P2RX7: variants seen among roughly 807,000 people sequenced by gnomAD.
P2RX7 encodes the protein P2X purinoceptor 7.
Under a neutral mutation model 71.6 loss-of-function variants are expected in P2RX7, and 62 were observed. The observed-to-expected ratio is 0.87, with a 90% CI of 0.71 to 1.07. The LOEUF is 1.07. Among genes scored for constraint, P2RX7 ranks in the 50% least tolerant of loss-of-function variants. P2RX7 has a pLI of 0.00. For missense variants in P2RX7, 686 were observed against 748.5 expected, an observed-to-expected ratio of 0.92 and a Z score of 0.97; for synonymous variants, 299 against 283.3, an observed-to-expected ratio of 1.06 and a Z score of -0.56.
chr12:121,136,317 T>C (rs1007572046), intron 1 of P2RX7, among the ~76,000 whole-genome samples: 3 of 151,504 alleles, frequency 2.0e-5, no homozygotes, highest in African/African-American at 7.3e-5. Context: ...CAGCATACAA[T>C]CTTTTTATTT....
chr12:121,174,372 C>T (rs1211074597), intron 8 of P2RX7, among the ~76,000 whole-genome samples: 2 of 151,958 alleles, frequency 1.3e-5, no homozygotes, highest in African/African-American at 4.8e-5. Context: ...TAAAAATTAG[C>T]CACCTGTAGT....
At chr12:121,177,487 A>T in intron 11 of P2RX7, 41 bp downstream of exon 11, 3 of 1,586,008 alleles carry the variant, frequency 1.9e-6, no homozygotes, top group Non-Finnish European at 2.6e-6. Flanking sequence ...ACATGGAGAG[A>T]TTCCATGAAA....
chr12:121,175,527 C>A lies in P2RX7; in HGVS notation c.972+49C>A, dbSNP rs778613083. 4.8e-6 allele frequency: 4 copies of A among 837,750 alleles called. No individual in the cohort carries two copies. The African/African-American group carries it at 5.0e-5, about 10-fold the overall frequency. 51.9% of individuals were successfully genotyped at this position (837,750 alleles called of 1,614,324 possible). On this transcript the variant is annotated intron_variant, in intron 9 of 12. Coordinates refer to ENST00000328963, the MANE Select transcript of P2RX7 (RefSeq NM_002562.6). ...GGCACCGGCATCCTATGACTGTGTC[C>A]TAATTACTGCTGTGGGGCCTCCATG...
At chr12:121,151,699 G>A (rs1165764758) in intron 1 of P2RX7, among the ~76,000 whole-genome samples, 1 of 152,002 alleles carries the variant, frequency 6.6e-6, no homozygotes, top group Non-Finnish European at 1.5e-5. Context: ...TCATAGTACT[G>A]TGCAACCACC....
chr12:121,167,049 T>C (rs1014721908), intron 7 of P2RX7, among the ~76,000 whole-genome samples: 2 of 122,952 alleles, frequency 1.6e-5, no homozygotes, highest in Non-Finnish European at 3.5e-5. Flanking sequence ...CGAAACTCCA[T>C]CTCAAAAAAA....
chr12:121,183,094 G>A (rs985732606), intron 12 of P2RX7, among the ~76,000 whole-genome samples: 4 of 149,786 alleles, frequency 2.7e-5, no homozygotes, highest in Non-Finnish European at 4.5e-5. Flanking sequence ...GGAGAATGGC[G>A]TGAACCCAGG....
intron 11 of P2RX7, among the ~76,000 whole-genome samples, chr12:121,178,026 C>A (rs1324954982): frequency 6.6e-6 from 1 of 151,874 alleles, no homozygotes; most frequent in Admixed American, 6.6e-5. Flanking sequence ...CCTGTTTTGT[C>A]ATTTATTAAA....
intron 12 of P2RX7, among the ~76,000 whole-genome samples, chr12:121,180,955 C>G (rs1016217577): frequency 3.3e-5 from 5 of 149,446 alleles, no homozygotes; most frequent in Non-Finnish European, 5.9e-5. Context: ...CAGAGCAAGA[C>G]TCCATCTCAA....
chr12:121,158,014 A>C (rs1226256755), intron 3 of P2RX7, among the ~76,000 whole-genome samples: 2 of 152,124 alleles, frequency 1.3e-5, no homozygotes, highest in Non-Finnish European at 2.9e-5. Flanking sequence ...CAGCCCAGAG[A>C]GCACATGTGA....
chr12:121,171,208 C>T (rs1180742392), intron 8 of P2RX7, among the ~76,000 whole-genome samples: 3 of 152,142 alleles, frequency 2.0e-5, no homozygotes, highest in Non-Finnish European at 4.4e-5. Context: ...AGCAGGGCCA[C>T]ACTCGCTCTG....
At chr12:121,161,744 A>G (rs1307004338) in intron 4 of P2RX7, among the ~76,000 whole-genome samples, 1 of 147,772 alleles carries the variant, frequency 6.8e-6, no homozygotes, top group Non-Finnish European at 1.5e-5. Flanking sequence ...GTGAGCCAAG[A>G]TCATGCCACT....
At chr12:121,159,417 CAAAAAAAAAAAA>C (rs397850013) in intron 3 of P2RX7, among the ~76,000 whole-genome samples, 6 of 65,756 alleles carry the variant, frequency 9.1e-5, no homozygotes, top group Admixed American at 3.7e-4. Context: ...ACTCTGTCTC[CAAAAAAAAAAAA>C]AAAAAAAAAA....
chr12:121,155,089 C>A, intron 2 of P2RX7, 136 bp downstream of exon 2: 1 of 1,479,100 alleles, frequency 6.8e-7, no homozygotes, highest in Non-Finnish European at 9.0e-7. Context: ...AACATCCCAA[C>A]TGAGAAAACC....
chr12:121,144,515 C>T (rs937511851), intron 1 of P2RX7, among the ~76,000 whole-genome samples: 1 of 152,122 alleles, frequency 6.6e-6, no homozygotes, highest in African/African-American at 2.4e-5. Flanking sequence ...CCTCTTATTA[C>T]AAAAGAAGAA....
chr12:121,140,317 G>C lies in P2RX7; in HGVS notation c.125+7222G>C, dbSNP rs555412667. Among the ~76,000 whole-genome samples the C allele has an allele frequency of 3.4e-4, 52 of 152,188 alleles. 1 individual carries two copies. The highest frequency in any genetic ancestry group is 7.9e-4 in the Admixed American group (12 of 15,280). On this transcript the variant is annotated intron_variant, in intron 1 of 12. Transcript: ENST00000328963. The stretch of plus-strand genomic sequence containing the variant: ...CTGAGGGCAGCTCAGGGGAAGAGTT[G>C]CTATTTGATTTTCAGTGCATGGGAA...
At chr12:121,140,790 AAAT>A (rs1413193038) in intron 1 of P2RX7, among the ~76,000 whole-genome samples, 1 of 152,148 alleles carries the variant, frequency 6.6e-6, no homozygotes, top group Non-Finnish European at 1.5e-5. Context: ...ATGTAATAAA[AAAT>A]AATAAATAAA....
intron 3 of P2RX7, among the ~76,000 whole-genome samples, chr12:121,160,158 C>A (rs989296045): frequency 5.0e-5 from 7 of 139,826 alleles, no homozygotes; most frequent in Non-Finnish European, 1.1e-4. Context: ...TCCTTTCTTT[C>A]TTTTTTTAGG....
At chr12:121,174,209 G>A (rs993105300) in intron 8 of P2RX7, among the ~76,000 whole-genome samples, 1 of 151,454 alleles carries the variant, frequency 6.6e-6, no homozygotes, top group Non-Finnish European at 1.5e-5. Flanking sequence ...CACCATGCAC[G>A]GCTAATTTTT....
intron 11 of P2RX7, among the ~76,000 whole-genome samples, chr12:121,178,408 T>A (rs541945360): frequency 5.9e-5 from 9 of 152,314 alleles, no homozygotes; most frequent in Admixed American, 5.9e-4. Flanking sequence ...GCTTTATCTA[T>A]TAACTCAATC....
Sources: allele counts gnomAD v4.1 joint callset (sites outside exome capture counted in the v4.1 genomes callset), GRCh38; gene constraint gnomAD v4.1.1; transcripts MANE v1.5; gene names NCBI Gene and HGNC (gene_info 2026-07-23, HGNC 2026-07-21).